The following ZMYM2 variants were observed in gnomAD, a reference collection of about 807,000 sequenced individuals.
ZMYM2 encodes zinc finger MYM-type containing 2.
In ZMYM2, 56 loss-of-function variants were observed where a neutral mutation model predicts 162.8. The ratio of observed to expected loss-of-function variants is 0.34; its 90% CI spans 0.28 to 0.43. The LOEUF (loss-of-function observed/expected upper bound fraction) is 0.43. Ranked by LOEUF, ZMYM2 falls within the 20% of genes least tolerant of loss-of-function variation. ZMYM2 has a pLI of 1.00. For missense variants in ZMYM2, 1,275 were observed against 1,621.8 expected (o/e 0.79, Z 3.67); for synonymous variants, 510 against 541.6 (o/e 0.94, Z 0.81).
At chr13:20,000,644 C>A (rs1950323312) in intron 3 of ZMYM2, among the ~76,000 whole-genome samples, 1 of 152,142 alleles carries the variant, frequency 6.6e-6, no homozygotes, top group African/African-American at 2.4e-5. Flanking sequence ...GTGTTGAGAC[C>A]TTTTGTTCAG....
At position 20,039,598 on chromosome 13, in the gene ZMYM2, C is replaced by T. The variant is rs1006807537; in HGVS notation, c.2292+2689C>T. ...ACGTCATTCTCCTGCCTCACCCTCC[C>T]GAGTAGCTGGGACTGCAGGCGCCCG... On this transcript the variant is annotated intron_variant, in intron 12 of 24. Transcript: ENST00000610343. Among the ~76,000 whole-genome samples the T allele has an allele frequency of 4.6e-5, 7 of 151,842 alleles. 1 individual carries two copies. Among genetic ancestry groups the T allele is most frequent in the Admixed American group, 2.0e-4 (3 of 15,246 alleles).
In ZMYM2 at chr13:20,067,749, A is replaced by G. The variant is rs549344997; in HGVS notation, c.3453+359A>G. Among the ~76,000 whole-genome samples the G allele has an allele frequency of 1.9e-3, 284 of 152,320 alleles. 1 individual carries two copies. Among genetic ancestry groups the G allele is most frequent in the African/African-American group, 6.5e-3 (272 of 41,584 alleles). On this transcript the variant is annotated intron_variant, in intron 21 of 24. Coordinates refer to ENST00000610343, the MANE Select transcript of ZMYM2 (RefSeq NM_197968.4). ...ATAACTACTCATTAATTCTTTGGCT[A>G]TTTCATAAAAAGAGATCATTCTTTA...
intron 21 of ZMYM2, among the ~76,000 whole-genome samples, chr13:20,069,311 C>T (rs1050104030): frequency 1.3e-5 from 2 of 152,058 alleles, no homozygotes; most frequent in African/African-American, 4.8e-5. Flanking sequence ...AACCCTAGTC[C>T]TAGTACAGTG....
rs74035905 is a variant in ZMYM2 at position 20,058,296 on chromosome 13, G to A, written c.2494-279G>A. On this transcript the variant is annotated intron_variant, in intron 14 of 24. Transcript: ENST00000610343. ...TGATTTTGTACTTAAAAGTTAGATT[G>A]TCTTTTTATATTTTTCTAAAATCAT... Among the ~76,000 whole-genome samples, 337 of 152,218 alleles carry A rather than the reference G, an allele frequency of 2.2e-3. 1 individual carries two copies. The highest frequency in any genetic ancestry group is 7.7e-3 in the African/African-American group (320 of 41,552).
rs117743495 is a variant in ZMYM2, at chr13:20,078,888, T to A, written c.3454-3128T>A. On this transcript the variant is annotated intron_variant, in intron 21 of 24. Transcript: ENST00000610343. Reference sequence around the variant, plus strand: ...AAATGTATAACATGTTACATTTTTATCATTCAGTACTGCTCTTTACAGATG... The same window carrying A: ...AAATGTATAACATGTTACATTTTTAACATTCAGTACTGCTCTTTACAGATG... Among the ~76,000 whole-genome samples the A allele has an allele frequency of 6.6e-3, 1,011 of 152,232 alleles. 10 individuals are homozygous for A. Among genetic ancestry groups the A allele is most frequent in the Non-Finnish European group, 8.1e-3 (552 of 68,032 alleles).
Position 20,062,900 on chromosome 13 carries a change from C to A in ZMYM2, c.2966C>A (p.Pro989Gln). ...IGSDLLKNSD[P>Q]ETQSSMPDVP... ...TCAGACCTTTTGAAGAACTCTGACC[C>A]AGAGACACAGTCCAGCATGCCTGAT... Residue 989 changes from proline (P) to glutamine (Q), a missense_variant, in exon 18 of 25, where the codon CCA becomes CAA. This residue lies in a region of ZMYM2 where 229 missense variants were observed against 283.8 expected (regional missense o/e 0.81). Coordinates refer to ENST00000610343, the MANE Select transcript of ZMYM2 (RefSeq NM_197968.4). The A allele has an allele frequency of 6.3e-7, 1 of 1,599,402 alleles. No individual in the cohort carries two copies. The highest frequency in any genetic ancestry group is 8.5e-7 in the Non-Finnish European group (1 of 1,171,524).
the ZMYM2 span, among the ~76,000 whole-genome samples, chr13:19,902,521 C>T: frequency 6.6e-6 from 1 of 151,836 alleles, no homozygotes; most frequent in Admixed American, 6.6e-5. Context: ...GAGGCTGAGG[C>T]AGGAGAATTG....
chr13:19,867,991 T>C, the ZMYM2 span, among the ~76,000 whole-genome samples: 2 of 152,260 alleles, frequency 1.3e-5, no homozygotes, highest in Non-Finnish European at 2.9e-5. Context: ...TTTTGGCCAC[T>C]GCCGTTGCTC....
the ZMYM2 span, among the ~76,000 whole-genome samples, chr13:19,899,011 C>T: frequency 1.3e-5 from 2 of 149,894 alleles, no homozygotes; most frequent in Admixed American, 6.7e-5. Context: ...GCACAATCCT[C>T]GCTTGATCTC....
chr13:20,081,969 C>G, intron 21 of ZMYM2, 47 bp from the exon 22 acceptor site: 1 of 1,214,996 alleles, frequency 8.2e-7, no homozygotes, highest in Non-Finnish European at 1.1e-6. Context: ...CTATAATTAG[C>G]TGATTTTCTT....
rs1172283646 is a variant in ZMYM2, at chr13:20,048,809, T to G, written c.2293-2624T>G. Among the ~76,000 whole-genome samples, 9 of 151,760 alleles carry G rather than the reference T, an allele frequency of 5.9e-5. 1 individual carries two copies. The East Asian group carries it at 1.5e-3, about 26-fold the overall frequency. On this transcript the variant is annotated intron_variant, in intron 12 of 24. Transcript: ENST00000610343. ...TTTGTTTGAACCTGTGACTTGTTTT[T>G]TTTTTTTTTTCCCCCTCCCTCTTAG...
chr13:20,041,308 A>G (rs1954224902), intron 12 of ZMYM2, among the ~76,000 whole-genome samples: 1 of 152,186 alleles, frequency 6.6e-6, no homozygotes, highest in Non-Finnish European at 1.5e-5. Flanking sequence ...CTTTACCATT[A>G]TGTAATGACC....
chr13:19,878,961 G>T, the ZMYM2 span, among the ~76,000 whole-genome samples: 1 of 152,112 alleles, frequency 6.6e-6, no homozygotes, highest in African/African-American at 2.4e-5. Flanking sequence ...TCTGCTGACA[G>T]CATCTTTCCA....
At chr13:20,052,378 C>T in intron 14 of ZMYM2, 67 bp downstream of exon 14, 1 of 1,390,832 alleles carries the variant, frequency 7.2e-7, no homozygotes, top group Non-Finnish European at 9.7e-7. Context: ...ATAATTAGGC[C>T]AATTTAATGT....
At chr13:20,030,459 C>T (rs1365115056) in intron 9 of ZMYM2, among the ~76,000 whole-genome samples, 33 of 138,826 alleles carry the variant, frequency 2.4e-4, no homozygotes, top group East Asian at 4.3e-4. Flanking sequence ...AGTGCAGTGG[C>T]GTGATCTCGG....
the ZMYM2 span, among the ~76,000 whole-genome samples, chr13:19,929,896 G>C: frequency 2.6e-5 from 4 of 152,144 alleles, no homozygotes; most frequent in African/African-American, 9.7e-5. Flanking sequence ...AATAGTTATA[G>C]ATCTACTCAG....
At chr13:19,867,129 G>T in the ZMYM2 span, among the ~76,000 whole-genome samples, 2 of 152,048 alleles carry the variant, frequency 1.3e-5, no homozygotes, top group African/African-American at 4.8e-5. Flanking sequence ...GAGGCGGGTG[G>T]ATCACCTGAG....
intron 2 of ZMYM2, among the ~76,000 whole-genome samples, chr13:19,992,475 G>A (rs923551605): frequency 6.6e-6 from 1 of 152,072 alleles, no homozygotes; most frequent in African/African-American, 2.4e-5. Context: ...TGGGAGGATC[G>A]CCTTAACCTG....
chr13:19,876,002 A>C, the ZMYM2 span, among the ~76,000 whole-genome samples: 115 of 151,866 alleles, frequency 7.6e-4, no homozygotes, highest in Admixed American at 1.5e-3. Flanking sequence ...AATAAATAAA[A>C]TTGGCTCCAG....
Sources: allele counts gnomAD v4.1 joint callset (sites outside exome capture counted in the v4.1 genomes callset), GRCh38; gene constraint gnomAD v4.1.1; regional missense constraint gnomAD v4.1.1; transcripts MANE v1.5; gene names NCBI Gene and HGNC (gene_info 2026-07-23, HGNC 2026-07-21).